The following NR1I2 variants were observed in gnomAD, a reference collection of about 807,000 sequenced individuals.
NR1I2 encodes the protein orphan nuclear receptor PAR1.
NR1I2 carries 42 observed loss-of-function variants against 43.3 expected under a neutral mutation model. The observed-to-expected ratio is 0.97, with a 90% CI of 0.76 to 1.26. The LOEUF is 1.26. Among genes scored for constraint, NR1I2 ranks in the 50% most tolerant of loss-of-function variants. The probability of loss-of-function intolerance (pLI) is 0.00; values close to 1 mark genes in which losing one functional copy is unlikely to be tolerated. For missense variants in NR1I2, 559 were observed against 566.7 expected, an observed-to-expected ratio of 0.99 and a Z score of 0.14; for synonymous variants, 229 against 215.0, an observed-to-expected ratio of 1.06 and a Z score of -0.57.
chr3:119,816,162 A>G (rs895367740), intron 8 of NR1I2, among the ~76,000 whole-genome samples: 1 of 152,208 alleles, frequency 6.6e-6, no homozygotes, highest in Non-Finnish European at 1.5e-5. Flanking sequence ...AACACTGAGT[A>G]TTATAGTGTG....
intron 1 of NR1I2, among the ~76,000 whole-genome samples, chr3:119,791,421 C>A (rs973286205): frequency 6.6e-6 from 1 of 152,118 alleles, no homozygotes; most frequent in Non-Finnish European, 1.5e-5. Context: ...ACCATTTGTC[C>A]CCTTGTGTGA....
At chr3:119,791,235 A>T (rs1186031648) in intron 1 of NR1I2, among the ~76,000 whole-genome samples, 1 of 152,218 alleles carries the variant, frequency 6.6e-6, no homozygotes, top group African/African-American at 2.4e-5. Flanking sequence ...ACCATCCCTC[A>T]TAGGCCCCAG....
chr3:119,784,224 T>A (rs2054815004), intron 1 of NR1I2, among the ~76,000 whole-genome samples: 1 of 152,230 alleles, frequency 6.6e-6, no homozygotes, highest in Non-Finnish European at 1.5e-5. Context: ...ATGCTTGCTG[T>A]TTATTCAGTA....
At chr3:119,797,056 C>A (rs1304242059) in intron 1 of NR1I2, among the ~76,000 whole-genome samples, 1 of 152,216 alleles carries the variant, frequency 6.6e-6, no homozygotes, top group Non-Finnish European at 1.5e-5. Flanking sequence ...AGGCTGCCGG[C>A]TAGCTGGGTC....
intron 1 of NR1I2, among the ~76,000 whole-genome samples, chr3:119,803,609 G>C (rs2055110992): frequency 6.6e-6 from 1 of 152,132 alleles, no homozygotes; most frequent in South Asian, 2.1e-4. Context: ...CTAAGACAAT[G>C]AGTGACCTTT....
At chr3:119,816,725 GCTGGAGGT>G (rs1335447967) in intron 8 of NR1I2, among the ~76,000 whole-genome samples, 1 of 151,984 alleles carries the variant, frequency 6.6e-6, no homozygotes, top group African/African-American at 2.4e-5. Flanking sequence ...GGAGGCTGAG[GCTGGAGGT>G]CTCTTGAGTC....
rs143636703 is a variant in NR1I2, at chr3:119,789,359, T to A, written c.-23+7059T>A. 2.6e-3 allele frequency among the ~76,000 whole-genome samples: 396 copies of A among 152,308 alleles called. 1 individual carries two copies. Among genetic ancestry groups the A allele is most frequent in the African/African-American group, 9.2e-3 (384 of 41,564 alleles). On this transcript the variant is annotated intron_variant, in intron 1 of 8. Transcript: ENST00000393716. ...AAAAAAAGGTTCAATGGACTCACAG[T>A]TCCATGTGGCTGGGGAGGCCTCACA...
intron 1 of NR1I2, among the ~76,000 whole-genome samples, chr3:119,796,348 G>A (rs2054999105): frequency 6.6e-6 from 1 of 152,176 alleles, no homozygotes; most frequent in African/African-American, 2.4e-5. Flanking sequence ...CCAAGACAGG[G>A]GACTTGCAAG....
chr3:119,800,571 A>G (rs990629723), intron 1 of NR1I2, among the ~76,000 whole-genome samples: 1 of 152,000 alleles, frequency 6.6e-6, no homozygotes, highest in Admixed American at 6.6e-5. Context: ...TTCATTAATC[A>G]TAGGGTGTTT....
At position 119,810,164 on chromosome 3, in the gene NR1I2, A is replaced by G. The variant is rs768540361; in HGVS notation, c.301A>G (p.Lys101Glu). 10 of 1,611,954 alleles carry G rather than the reference A, an allele frequency of 6.2e-6. No homozygotes were observed. Among genetic ancestry groups the G allele is most frequent in the Non-Finnish European group, 8.5e-6 (10 of 1,179,382 alleles). Residue 101 changes from lysine (K) to glutamate (E), a missense_variant, in exon 3 of 9, where the codon AAG (lysine) becomes GAG (glutamate). Transcript: ENST00000393716. The stretch of plus-strand genomic sequence containing the variant: ...ACAGTGCCAGGCCTGCCGCCTGCGC[A>G]AGTGCCTGGAGAGCGGCATGAAGAA...
At chr3:119,787,579 T>C (rs927741983) in intron 1 of NR1I2, among the ~76,000 whole-genome samples, 9 of 151,984 alleles carry the variant, frequency 5.9e-5, no homozygotes, top group African/African-American at 2.2e-4. Context: ...GCCTGCATCT[T>C]AGAAATTCAG....
intron 1 of NR1I2, among the ~76,000 whole-genome samples, chr3:119,806,418 G>T (rs1375523196): frequency 2.0e-5 from 3 of 152,122 alleles, no homozygotes; most frequent in Non-Finnish European, 4.4e-5. Flanking sequence ...CCAAGTAGCT[G>T]GGACTATAGG....
At chr3:119,813,894 T>A (rs2055280970) in intron 5 of NR1I2, among the ~76,000 whole-genome samples, 1 of 152,164 alleles carries the variant, frequency 6.6e-6, no homozygotes, top group Admixed American at 6.5e-5. Flanking sequence ...AGGCCACCAA[T>A]GTCGAGCACA....
chr3:119,791,820 C>T (rs2107950443), intron 1 of NR1I2: 2 of 513,290 alleles, frequency 3.9e-6, no homozygotes, highest in Non-Finnish European at 7.6e-6. Context: ...CAGAAGAAAA[C>T]ATAGCTGCCA....
intron 1 of NR1I2, among the ~76,000 whole-genome samples, chr3:119,798,459 G>C (rs1271802380): frequency 6.6e-6 from 1 of 152,032 alleles, no homozygotes; most frequent in Admixed American, 6.6e-5. Flanking sequence ...TTGAATAACT[G>C]TTAGTATATT....
chr3:119,800,640 G>C (rs2055065796), intron 1 of NR1I2, among the ~76,000 whole-genome samples: 1 of 152,104 alleles, frequency 6.6e-6, no homozygotes, highest in African/African-American at 2.4e-5. Context: ...TACCCAGGCA[G>C]GTCTTGAACT....
rs748345924 is a variant in NR1I2, at chr3:119,814,959, C to A, written c.795-20C>A. 9 of 1,613,888 alleles carry A rather than the reference C, an allele frequency of 5.6e-6. No homozygotes were observed. The highest frequency in any genetic ancestry group is 3.3e-5 in the Admixed American group (2 of 60,006). ...CTGCCTCCCAGGGAGCTGTCCTCCC[C>A]TCCCCATCCTTGCTGCCAGGGACTT... is the stretch of plus-strand genomic sequence containing the variant. On this transcript the variant is annotated intron_variant, in intron 5 of 8. Coordinates refer to ENST00000393716, the MANE Select transcript of NR1I2 (RefSeq NM_003889.4).
intron 1 of NR1I2, among the ~76,000 whole-genome samples, chr3:119,806,553 C>T (rs142266630): frequency 3.9e-5 from 6 of 152,146 alleles, no homozygotes; most frequent in Admixed American, 6.5e-5. Flanking sequence ...CCCAAAGCCC[C>T]GGGATTACAG....
chr3:119,814,854 C>A, intron 5 of NR1I2, 125 bp from the exon 6 acceptor site: 1 of 1,202,890 alleles, frequency 8.3e-7, no homozygotes, highest in Non-Finnish European at 1.2e-6. Context: ...CAGTCATCCT[C>A]AGGGAAAGGA....
Sources: gnomAD v4.1 joint callset for allele counts (sites outside exome capture counted in the v4.1 genomes callset) on GRCh38, gnomAD v4.1.1 for gene constraint, MANE v1.5 for transcripts, NCBI Gene and HGNC (gene_info 2026-07-23, HGNC 2026-07-21) for gene names.